Variants in CAB39 observed in about 807,000 individuals in gnomAD.
CAB39 encodes calcium-binding protein 39.
A neutral mutation model predicts 40.0 loss-of-function variants in CAB39; 8 were observed. The ratio of observed to expected loss-of-function variants is 0.20; its 90% CI spans 0.12 to 0.36. The LOEUF (loss-of-function observed/expected upper bound fraction) is 0.36, where lower values mean the gene tolerates loss of function less well. Among genes scored for constraint, CAB39 ranks in the 10% least tolerant of loss-of-function variants. The pLI, the probability that CAB39 is intolerant of heterozygous loss-of-function variation, is 1.00. For synonymous variants in CAB39, 156 were observed against 141.6 expected (o/e 1.10, Z -0.72); for missense variants, 270 against 401.1 (o/e 0.67, Z 2.79).
chr2:230,744,455 A>G (rs1694938267), intron 1 of CAB39, among the ~76,000 whole-genome samples: 1 of 151,896 alleles, frequency 6.6e-6, no homozygotes, highest in Non-Finnish European at 1.5e-5. Flanking sequence ...CACCATGCCC[A>G]GCTAATTTTT....
intron 1 of CAB39, among the ~76,000 whole-genome samples, chr2:230,732,227 G>A (rs1346129107): frequency 2.0e-5 from 3 of 152,200 alleles, no homozygotes; most frequent in South Asian, 2.1e-4. Flanking sequence ...GACTACAGGC[G>A]CCTGCCACCA....
chr2:230,808,046 C>T (rs967723797), intron 5 of CAB39, among the ~76,000 whole-genome samples: 52 of 145,808 alleles, frequency 3.6e-4, no homozygotes, highest in Non-Finnish European at 7.4e-4. Context: ...CTGTGCCAGG[C>T]ACTTTTTTTC....
chr2:230,819,761 T>TGG lies in CAB39; in HGVS notation c.*1057_*1058insGG, dbSNP rs1696474169. 1 of 152,330 alleles carries TGG rather than the reference T, an allele frequency of 6.6e-6. No homozygotes were observed. The highest frequency in any genetic ancestry group is 1.9e-4 in the East Asian group (1 of 5,204). The allele number at this position is 152,330 out of a possible 1,614,324, so 9.4% of individuals were successfully genotyped here. ...CCCTGGAGCTCAGTCAGCCACACCT[T>TGG]CCTGCATCCTATTGGCCTTATTCAT... On this transcript the variant is annotated 3_prime_UTR_variant, in exon 9 of 9. Coordinates refer to ENST00000258418, the MANE Select transcript of CAB39 (RefSeq NM_016289.4).
chr2:230,790,082 G>A (rs1396145720), intron 2 of CAB39, among the ~76,000 whole-genome samples: 1 of 152,052 alleles, frequency 6.6e-6, no homozygotes, highest in East Asian at 1.9e-4. Flanking sequence ...AAATCGGCCT[G>A]GCATGGTGGC....
In CAB39 at chr2:230,720,474, C is replaced by T. The variant is rs566097306; in HGVS notation, c.-44+7244C>T. On this transcript the variant is annotated intron_variant, in intron 1 of 8. Transcript: ENST00000258418. ...TTCCCAGGATGGAGTCTCCCTCTGT[C>T]GCCCAGGCTGGAGTGCAATGGCGTG... is the stretch of plus-strand genomic sequence containing the variant. Among the ~76,000 whole-genome samples, 8 of 152,286 alleles carry T rather than the reference C, an allele frequency of 5.3e-5. No individual in the cohort carries two copies. In the South Asian group the frequency reaches 1.2e-3, roughly 24 times the overall value.
rs1001479916 is a variant in CAB39, at chr2:230,730,752, T to G, written c.-44+17522T>G. ...AGCCACTGCGCCCGGCCAAGAAAACTTATATGAATATCCATTGGATGAAAA... is the reference window on the plus strand; with the variant it reads ...AGCCACTGCGCCCGGCCAAGAAAACGTATATGAATATCCATTGGATGAAAA... On this transcript the variant is annotated intron_variant, in intron 1 of 8. Coordinates refer to ENST00000258418, the MANE Select transcript of CAB39 (RefSeq NM_016289.4). Among the ~76,000 whole-genome samples, 6 of 152,180 alleles carry G rather than the reference T, an allele frequency of 3.9e-5. 1 individual carries two copies. The highest frequency in any genetic ancestry group is 5.9e-5 in the Non-Finnish European group (4 of 68,024).
chr2:230,728,719 C>T (rs953893813), intron 1 of CAB39, among the ~76,000 whole-genome samples: 3 of 152,208 alleles, frequency 2.0e-5, no homozygotes, highest in Non-Finnish European at 2.9e-5. Flanking sequence ...AAGCAATCCT[C>T]CTGCCTTGGC....
chr2:230,818,686 A>G lies in CAB39; in HGVS notation c.1008A>G (p.Pro336=), dbSNP rs773790736. 54 of 1,613,360 alleles carry G rather than the reference A, an allele frequency of 3.3e-5. No homozygotes were observed. Among genetic ancestry groups the G allele is most frequent in the Admixed American group, 6.7e-5 (4 of 59,840 alleles). The change falls in exon 9 of 9, where the codon CCA becomes CCG. Residue 336 remains proline, a synonymous_variant. Transcript: ENST00000258418. ...LVKQIRDLKR[P]AQQEA is the part of the protein sequence containing the mutation. ...AACAGATCAGGGATTTGAAGAGACC[A>G]GCTCAGCAAGAAGCTTAATCTCCAA...
intron 5 of CAB39, among the ~76,000 whole-genome samples, chr2:230,804,675 T>C (rs1696157745): frequency 6.6e-6 from 1 of 152,128 alleles, no homozygotes; most frequent in South Asian, 2.1e-4. Flanking sequence ...ATCAGAGAAA[T>C]GCAAATCAAA....
intron 1 of CAB39, among the ~76,000 whole-genome samples, chr2:230,745,911 A>G (rs1694964800): frequency 6.6e-6 from 1 of 152,078 alleles, no homozygotes; most frequent in Non-Finnish European, 1.5e-5. Flanking sequence ...AGCATGAGCC[A>G]CCGCGCCTGG....
At chr2:230,766,940 A>G (rs60684140) in intron 2 of CAB39, among the ~76,000 whole-genome samples, 16,963 of 152,294 alleles carry the variant, frequency 0.11, 1,179 homozygotes, top group Middle Eastern at 0.16. Context: ...TATAGCAGCA[A>G]AAAAATAAGT....
At chr2:230,778,347 G>T (rs1044145951) in intron 2 of CAB39, among the ~76,000 whole-genome samples, 1 of 152,198 alleles carries the variant, frequency 6.6e-6, no homozygotes, top group Admixed American at 6.5e-5. Context: ...GTGTTGGTAA[G>T]GGCTGTGAGT....
chr2:230,790,855 CCT>C lies in CAB39; in HGVS notation c.115-10_115-9del. On this transcript the variant is annotated splice_polypyrimidine_tract_variant and intron_variant, in intron 2 of 8. Coordinates refer to ENST00000258418, the MANE Select transcript of CAB39 (RefSeq NM_016289.4). Reference sequence around the variant, plus strand: ...ATTGTTTTTTCTCCTCTTCCCAACTCCTCTCTCTAAAATTAGGCTACAGAAGA... The same window carrying C: ...ATTGTTTTTTCTCCTCTTCCCAACTCCTCTCTAAAATTAGGCTACAGAAGA... 2 of 1,586,450 alleles carry C rather than the reference CCT, an allele frequency of 1.3e-6. No individual in the cohort carries two copies. Among genetic ancestry groups the C allele is most frequent in the Non-Finnish European group, 1.7e-6 (2 of 1,170,306 alleles).
intron 1 of CAB39, among the ~76,000 whole-genome samples, chr2:230,740,356 G>T (rs185125743): frequency 1.3e-5 from 2 of 152,332 alleles, no homozygotes; most frequent in Non-Finnish European, 2.9e-5. Context: ...GGAAGCTGAT[G>T]TATACTGGAT....
intron 1 of CAB39, among the ~76,000 whole-genome samples, chr2:230,743,902 T>G (rs538122310): frequency 1.5e-4 from 22 of 150,930 alleles, no homozygotes; most frequent in Admixed American, 2.6e-4. Flanking sequence ...GTCACAGAGC[T>G]CTGATACATG....
chr2:230,765,495 T>C (rs1332851572), intron 2 of CAB39, among the ~76,000 whole-genome samples: 1 of 152,154 alleles, frequency 6.6e-6, no homozygotes, highest in Admixed American at 6.5e-5. Flanking sequence ...GTTAAAAGGC[T>C]GTGTATGAGA....
At chr2:230,792,223 T>A (rs1695904640) in intron 3 of CAB39, among the ~76,000 whole-genome samples, 11 of 152,224 alleles carry the variant, frequency 7.2e-5, no homozygotes, top group Non-Finnish European at 1.5e-4. Flanking sequence ...AATTTGTATT[T>A]CCTCTGCAAA....
chr2:230,775,171 A>G (rs1312749403), intron 2 of CAB39, among the ~76,000 whole-genome samples: 1 of 152,168 alleles, frequency 6.6e-6, no homozygotes, highest in East Asian at 1.9e-4. Flanking sequence ...AAAAAACAAA[A>G]AATAATAATT....
At chr2:230,809,524 C>G (rs1000855454) in intron 5 of CAB39, among the ~76,000 whole-genome samples, 20 of 152,186 alleles carry the variant, frequency 1.3e-4, no homozygotes, top group African/African-American at 4.8e-4. Context: ...TTGCTAACTT[C>G]TAGGTCCTTG....
Sources: gnomAD v4.1 joint callset for allele counts (sites outside exome capture counted in the v4.1 genomes callset) on GRCh38, gnomAD v4.1.1 for gene constraint, MANE v1.5 for transcripts, NCBI Gene and HGNC (gene_info 2026-07-23, HGNC 2026-07-21) for gene names.